The following CHD8 variants were observed in gnomAD, a reference collection of about 807,000 sequenced individuals.
The protein encoded by CHD8 is ATP-dependent chromatin remodeler CHD8.
A neutral mutation model predicts 279.2 loss-of-function variants in CHD8; 31 were observed. The ratio of observed to expected loss-of-function variants is 0.11; its 90% CI spans 0.08 to 0.15. The LOEUF is 0.15. CHD8 is among the 10% of genes least tolerant of loss of function. The pLI, the probability that CHD8 is intolerant of heterozygous loss-of-function variation, is 1.00. For synonymous variants in CHD8, 1,081 were observed against 1,139.6 expected (o/e 0.95, Z 1.04); for missense variants, 2,146 against 3,230.5 (o/e 0.66, Z 8.14).
At chr14:21,415,097 A>G in intron 7 of CHD8, 104 bp from the exon 8 acceptor site, 1 of 735,892 alleles carries the variant, frequency 1.4e-6, no homozygotes, top group South Asian at 1.7e-5. Flanking sequence ...TAATCTCTGA[A>G]TATATTAATA....
At chr14:21,414,230 G>C in intron 9 of CHD8, 71 bp downstream of exon 9, 1 of 816,238 alleles carries the variant, frequency 1.2e-6, no homozygotes, top group Non-Finnish European at 2.1e-6. Context: ...TGAAGAATCA[G>C]CCAAGGCTGA....
At chr14:21,439,272 C>T in intron 1 of CHD8, among the ~76,000 whole-genome samples, 1 of 152,048 alleles carries the variant, frequency 6.6e-6, no homozygotes, top group Non-Finnish European at 1.5e-5. Context: ...TTTAAAGATC[C>T]TAGCATTACC....
At position 21,385,275 on chromosome 14, in the gene CHD8, C is replaced by G. The variant is rs1051039407; in HGVS notation, c.*338G>C. 3.2e-5 allele frequency: 9 copies of G among 284,298 alleles called. No homozygotes were observed. The highest frequency in any genetic ancestry group is 5.9e-5 in the Non-Finnish European group (9 of 151,750). 17.6% of individuals were successfully genotyped at this position (284,298 alleles called of 1,614,324 possible). On this transcript the variant is annotated 3_prime_UTR_variant, in exon 38 of 38. Coordinates refer to ENST00000646647, the MANE Select transcript of CHD8 (RefSeq NM_001170629.2). ...TGACCCTCCAGCTGTATCCACAGTT[C>G]GGCCAGGAACAGGCTCTGCCAGAGG... is the stretch of plus-strand genomic sequence containing the variant.
At chr14:21,439,272 C>G (rs552793077) in intron 1 of CHD8, among the ~76,000 whole-genome samples, 5 of 152,166 alleles carry the variant, frequency 3.3e-5, no homozygotes, top group Admixed American at 6.5e-5. Flanking sequence ...TTTAAAGATC[C>G]TAGCATTACC....
In CHD8 at chr14:21,431,032, T is replaced by C. The variant is rs1434046150; in HGVS notation, c.612A>G (p.Lys204=). 1 of 1,599,456 alleles carries C rather than the reference T, an allele frequency of 6.3e-7. No individual in the cohort carries two copies. Among genetic ancestry groups the C allele is most frequent in the Admixed American group, 1.7e-5 (1 of 60,002 alleles). ...GTCGAAGGGGTGTGCCGGTTAGCAC[T>C]TTGGTAAAAGTGACTTTTCCACCAT... ...TANGGKVTFT[K]VLTGTPLRPG... is the part of the protein sequence containing the mutation. The change falls in exon 2 of 38, where the codon AAA becomes AAG. Residue 204 remains lysine (K), a synonymous_variant. Transcript: ENST00000646647.
chr14:21,386,705 C>T (rs148140245), intron 37 of CHD8, among the ~76,000 whole-genome samples: 1,733 of 152,048 alleles, frequency 0.011, 28 homozygotes, highest in African/African-American at 0.039. Flanking sequence ...GGCAAGGTGG[C>T]GGGCGCCTGT....
chr14:21,455,728 C>T (rs1890372269), intron 1 of CHD8, among the ~76,000 whole-genome samples: 1 of 139,004 alleles, frequency 7.2e-6, no homozygotes, highest in Non-Finnish European at 1.6e-5. Context: ...GCGCCGCCTC[C>T]AATCTACACT....
At chr14:21,434,537 G>GA (rs1889699732) in intron 1 of CHD8, among the ~76,000 whole-genome samples, 1 of 151,426 alleles carries the variant, frequency 6.6e-6, no homozygotes, top group Admixed American at 6.6e-5. Flanking sequence ...GGTTTCTGAT[G>GA]AATCTCCTTA....
chr14:21,415,045 A>G, intron 7 of CHD8, 52 bp from the exon 8 acceptor site: 1 of 1,271,528 alleles, frequency 7.9e-7, no homozygotes, highest in Admixed American at 2.1e-5. Context: ...TAAAAGAATG[A>G]ACTTTTTAAT....
chr14:21,394,684 G>A (rs1164408329), intron 30 of CHD8, 199 bp from the exon 31 acceptor site: 2 of 631,568 alleles, frequency 3.2e-6, no homozygotes, highest in Non-Finnish European at 2.7e-6. Context: ...AGCCAAGGGG[G>A]AAAAGACACA....
At chr14:21,386,564 G>A (rs1026238526) in intron 37 of CHD8, among the ~76,000 whole-genome samples, 3 of 152,308 alleles carry the variant, frequency 2.0e-5, no homozygotes, top group South Asian at 2.1e-4. Flanking sequence ...GTGACCGGGC[G>A]CGGTGGCTCA....
chr14:21,446,785 A>G (rs936786886), intron 1 of CHD8, among the ~76,000 whole-genome samples: 4 of 152,208 alleles, frequency 2.6e-5, no homozygotes, highest in African/African-American at 4.8e-5. Flanking sequence ...CCACCTTACT[A>G]TACTATGCTC....
intron 30 of CHD8, 78 bp downstream of exon 30, chr14:21,394,834 A>T (rs1401540040): frequency 3.4e-6 from 5 of 1,459,486 alleles, no homozygotes; most frequent in Non-Finnish European, 4.7e-6. Flanking sequence ...TTCCAAATAA[A>T]TCCTTCCTGA....
At chr14:21,437,393 C>A (rs959325613) in intron 1 of CHD8, 3 of 430,488 alleles carry the variant, frequency 7.0e-6, no homozygotes, top group Non-Finnish European at 9.8e-6. Flanking sequence ...CCCCCTCCCC[C>A]GCAGGTTAGG....
At chr14:21,434,749 A>G (rs1009770358) in intron 1 of CHD8, among the ~76,000 whole-genome samples, 2 of 152,122 alleles carry the variant, frequency 1.3e-5, no homozygotes, top group Admixed American at 1.3e-4. Flanking sequence ...TTTTTATGCT[A>G]GTTTCCTACT....
chr14:21,397,987 G>C, intron 26 of CHD8, 35 bp from the exon 27 acceptor site: 4 of 1,574,326 alleles, frequency 2.5e-6, no homozygotes, highest in Non-Finnish European at 3.5e-6. Context: ...AAGAAAATGA[G>C]ATTTGTTTTG....
At chr14:21,429,775 T>TGG in intron 2 of CHD8, 1 of 290,426 alleles carries the variant, frequency 3.4e-6, no homozygotes. Flanking sequence ...CCTGAGTAGC[T>TGG]GGTACTATAG....
intron 1 of CHD8, among the ~76,000 whole-genome samples, chr14:21,450,432 C>G (rs780795857): frequency 3.2e-4 from 49 of 152,088 alleles, no homozygotes; most frequent in Admixed American, 6.6e-5. Flanking sequence ...AAAAAGAAAG[C>G]AGGAAATTCC....
intron 30 of CHD8, 93 bp from the exon 31 acceptor site, chr14:21,394,578 T>G: frequency 4.1e-6 from 1 of 240,966 alleles, no homozygotes; most frequent in Non-Finnish European, 6.0e-6. Flanking sequence ...TTAGAATATC[T>G]GAAAACACAA....
Sources: gnomAD v4.1 joint callset for allele counts (sites outside exome capture counted in the v4.1 genomes callset) on GRCh38, gnomAD v4.1.1 for gene constraint, MANE v1.5 for transcripts, NCBI Gene and HGNC (gene_info 2026-07-23, HGNC 2026-07-21) for gene names.